COL19A1: variants seen among roughly 807,000 people sequenced by gnomAD.
The protein encoded by COL19A1 is collagen type XIX alpha 1 chain.
A neutral mutation model predicts 190.2 loss-of-function variants in COL19A1; 159 were observed. The ratio of observed to expected loss-of-function variants is 0.84; its 90% CI spans 0.73 to 0.95. The LOEUF (loss-of-function observed/expected upper bound fraction) is 0.95. Among genes scored for constraint, COL19A1 ranks in the 40% least tolerant of loss-of-function variants. The pLI is 0.00. For missense variants in COL19A1, 1,418 were observed against 1,431.9 expected (o/e 0.99, Z 0.16); for synonymous variants, 509 against 458.9 (o/e 1.11, Z -1.39).
At chr6:70,110,257 A>G (rs1288082966) in intron 16 of COL19A1, among the ~76,000 whole-genome samples, 1 of 151,894 alleles carries the variant, frequency 6.6e-6, no homozygotes, top group African/African-American at 2.4e-5. Context: ...CAAATTCTTA[A>G]CATCCCTTCT....
intron 14 of COL19A1, among the ~76,000 whole-genome samples, chr6:70,037,204 G>A (rs1779399173): frequency 6.6e-6 from 1 of 152,076 alleles, no homozygotes; most frequent in African/African-American, 2.4e-5. Context: ...CACCCAGGCT[G>A]GAGTACAGTG....
intron 31 of COL19A1, among the ~76,000 whole-genome samples, chr6:70,155,504 T>G (rs1044852399): frequency 1.3e-5 from 2 of 152,168 alleles, no homozygotes; most frequent in African/African-American, 4.8e-5. Context: ...AACTAAAGGT[T>G]GCAGAGAAGG....
chr6:70,181,257 T>C (rs1172350778), intron 44 of COL19A1, among the ~76,000 whole-genome samples: 1 of 152,194 alleles, frequency 6.6e-6, no homozygotes, highest in Non-Finnish European at 1.5e-5. Context: ...GGAAGCCAGT[T>C]TGGCACCTCT....
At chr6:70,040,458 G>C (rs894477354) in intron 14 of COL19A1, among the ~76,000 whole-genome samples, 1 of 152,138 alleles carries the variant, frequency 6.6e-6, no homozygotes, top group East Asian at 1.9e-4. Context: ...TACTGCCAGT[G>C]ACCAGTGCTT....
At chr6:70,035,769 T>G (rs1164846208) in intron 13 of COL19A1, 135 bp from the exon 14 acceptor site, 1 of 663,954 alleles carries the variant, frequency 1.5e-6, no homozygotes, top group African/African-American at 1.8e-5. Flanking sequence ...TGCAGAGACT[T>G]TTATCAGGAT....
chr6:70,191,203 A>G (rs940338152), intron 48 of COL19A1, among the ~76,000 whole-genome samples: 1 of 152,180 alleles, frequency 6.6e-6, no homozygotes, highest in Non-Finnish European at 1.5e-5. Context: ...AAAAGCATCC[A>G]TATTATTCTG....
chr6:70,202,930 G>C (rs1015004153), intron 49 of COL19A1, among the ~76,000 whole-genome samples: 2 of 152,212 alleles, frequency 1.3e-5, no homozygotes, highest in East Asian at 1.9e-4. Context: ...CTGAGTATTG[G>C]CTTCCTGCTG....
intron 11 of COL19A1, among the ~76,000 whole-genome samples, chr6:69,966,573 T>A (rs1385728207): frequency 2.0e-5 from 3 of 151,818 alleles, no homozygotes; most frequent in Admixed American, 6.6e-5. Context: ...GAAGGCAGCA[T>A]GCTCGTTAAG....
chr6:70,191,142 CCTGCTCTAGATA>C (rs1766846039), intron 48 of COL19A1, among the ~76,000 whole-genome samples: 1 of 152,130 alleles, frequency 6.6e-6, no homozygotes, highest in Non-Finnish European at 1.5e-5. Flanking sequence ...AGTTCTGACC[CCTGCTCTAGATA>C]CTTCAATAAT....
rs151323549 is a variant in COL19A1 at position 70,126,310 on chromosome 6, G to A, written c.1342-3872G>A. On this transcript the variant is annotated intron_variant, in intron 17 of 50. Transcript: ENST00000620364. ...TTCCAAGCAGTGAGTTAAACCCAAC[G>A]ATGGCATATAAAGTGTAGGCTCCCT... is the stretch of plus-strand genomic sequence containing the variant. 2.8e-4 allele frequency among the ~76,000 whole-genome samples: 43 copies of A among 152,224 alleles called. No individual in the cohort carries two copies. The South Asian group carries it at 6.6e-3, about 24-fold the overall frequency.
rs117625717 is a variant in COL19A1, at chr6:69,987,311, A to G, written c.1026+24441A>G. 8.3e-3 allele frequency among the ~76,000 whole-genome samples: 1,259 copies of G among 152,338 alleles called. 8 individuals carry two copies. The highest frequency in any genetic ancestry group is 0.013 in the Non-Finnish European group (910 of 68,026). On this transcript the variant is annotated intron_variant, in intron 11 of 50. Coordinates refer to ENST00000620364, the MANE Select transcript of COL19A1 (RefSeq NM_001858.6). The stretch of plus-strand genomic sequence containing the variant: ...AAAAAATGGAATTTTATTATTTACT[A>G]ATAACTCTATGTCTAAATTTGTTTT...
chr6:70,034,951 G>A (rs1390066208), intron 13 of COL19A1, among the ~76,000 whole-genome samples: 3 of 152,170 alleles, frequency 2.0e-5, no homozygotes, highest in Admixed American at 1.3e-4. Context: ...TGAGTTCCCA[G>A]TGACTGATTT....
chr6:69,960,867 G>A (rs1033606063), intron 10 of COL19A1, among the ~76,000 whole-genome samples: 10 of 151,926 alleles, frequency 6.6e-5, no homozygotes, highest in African/African-American at 1.9e-4. Flanking sequence ...TCCTGACCTC[G>A]TGATCCACCC....
chr6:70,138,661 C>T (rs1786036385), intron 19 of COL19A1, among the ~76,000 whole-genome samples: 1 of 152,002 alleles, frequency 6.6e-6, no homozygotes, highest in Admixed American at 6.6e-5. Context: ...TGTTACAAAG[C>T]CAAATTTTCC....
intron 9 of COL19A1, among the ~76,000 whole-genome samples, chr6:69,958,895 C>G (rs554219985): frequency 6.6e-6 from 1 of 152,046 alleles, no homozygotes; most frequent in Non-Finnish European, 1.5e-5. Context: ...TTGAATTTTG[C>G]TTAAATAATT....
intron 7 of COL19A1, 32 bp from the exon 8 acceptor site, chr6:69,936,753 C>T (rs1244380959): frequency 6.2e-7 from 1 of 1,609,224 alleles, no homozygotes; most frequent in African/African-American, 1.3e-5. Context: ...TGGAATTGAC[C>T]CCATTTCCTA....
intron 11 of COL19A1, among the ~76,000 whole-genome samples, chr6:70,000,235 A>G (rs774064485): frequency 6.6e-6 from 1 of 152,202 alleles, no homozygotes; most frequent in Non-Finnish European, 1.5e-5. Context: ...TCCATGGTGT[A>G]TATGTACAAC....
At chr6:69,953,181 A>G (rs1774219764) in intron 9 of COL19A1, among the ~76,000 whole-genome samples, 1 of 152,072 alleles carries the variant, frequency 6.6e-6, no homozygotes, top group African/African-American at 2.4e-5. Flanking sequence ...CTTCCTGCCT[A>G]TGAAATTGTT....
At chr6:70,092,223 G>T (rs1406928754) in intron 15 of COL19A1, among the ~76,000 whole-genome samples, 1 of 151,972 alleles carries the variant, frequency 6.6e-6, no homozygotes, top group Non-Finnish European at 1.5e-5. Context: ...CTTTTCAGGG[G>T]ATATAATGTC....
Sources: allele counts gnomAD v4.1 joint callset (sites outside exome capture counted in the v4.1 genomes callset), GRCh38; gene constraint gnomAD v4.1.1; transcripts MANE v1.5; gene names NCBI Gene and HGNC (gene_info 2026-07-23, HGNC 2026-07-21).